Variants in TFB1M observed in about 807,000 individuals in gnomAD.
TFB1M encodes transcription factor B1, mitochondrial.
Under a neutral mutation model 31.1 loss-of-function variants are expected in TFB1M, and 27 were observed. That is an observed-to-expected ratio of 0.87 (90% CI 0.64 to 1.20). The LOEUF (loss-of-function observed/expected upper bound fraction) is 1.20, where lower values mean the gene tolerates loss of function less well. Ranked by LOEUF, TFB1M falls within the 50% of genes most tolerant of loss-of-function variation. The pLI, the probability that TFB1M is intolerant of heterozygous loss-of-function variation, is 0.00. For synonymous variants in TFB1M, 166 were observed against 151.8 expected (o/e 1.09, Z -0.69); for missense variants, 394 against 418.7 (o/e 0.94, Z 0.51).
At chr6:155,259,390 C>A (rs923908093) in intron 6 of TFB1M, among the ~76,000 whole-genome samples, 7 of 152,244 alleles carry the variant, frequency 4.6e-5, no homozygotes, top group African/African-American at 1.7e-4. Context: ...GGCTGAGGCT[C>A]CAGCTTCTGC....
At chr6:155,232,925 A>T in the TFB1M span, 1 of 152,236 alleles carries the variant, frequency 6.6e-6, no homozygotes, top group African/African-American at 2.4e-5. Context: ...TGTATGCCAC[A>T]TTACCCCAAA....
At chr6:155,247,972 C>T in the TFB1M span, 2 of 1,608,524 alleles carry the variant, frequency 1.2e-6, no homozygotes, top group Non-Finnish European at 1.7e-6. Context: ...CTGTGCTCTT[C>T]TGAGGTCTTT....
Position 155,286,607 on chromosome 6 carries a change from GTA to G in TFB1M, c.547-1332_547-1331del, listed in dbSNP as rs1437168487. On this transcript the variant is annotated intron_variant, in intron 4 of 6. Coordinates refer to ENST00000367166, the MANE Select transcript of TFB1M (RefSeq NM_016020.4). ...TATGTATATGTGTGTATATATGTGT[GTA>G]TATATATGTGTATATATGTGTGCAT... Among the ~76,000 whole-genome samples the G allele has an allele frequency of 5.9e-4, 82 of 139,580 alleles. 1 individual carries two copies. The highest frequency in any genetic ancestry group is 2.3e-3 in the African/African-American group (80 of 34,786). 91.6% of individuals were successfully genotyped at this position (139,580 alleles called of 152,430 possible). A position where few individuals can be genotyped will look rare whatever the true frequency, so the allele number is the denominator to read the frequency against.
At chr6:155,267,070 G>T (rs935389647) in intron 5 of TFB1M, among the ~76,000 whole-genome samples, 5 of 150,998 alleles carry the variant, frequency 3.3e-5, no homozygotes, top group African/African-American at 1.2e-4. Context: ...CACCTCCTGG[G>T]TTCAAGCAAT....
At chr6:155,288,554 C>T (rs937051584) in intron 4 of TFB1M, among the ~76,000 whole-genome samples, 3 of 152,102 alleles carry the variant, frequency 2.0e-5, no homozygotes, top group African/African-American at 7.2e-5. Context: ...CCAACTGGCA[C>T]AATTCAAAAA....
the TFB1M span, among the ~76,000 whole-genome samples, chr6:155,230,282 GC>G: frequency 6.6e-6 from 1 of 152,180 alleles, no homozygotes; most frequent in East Asian, 1.9e-4. Flanking sequence ...ACTCGCACCT[GC>G]CAGACCCTGC....
At chr6:155,282,229 T>C (rs1776397396) in intron 5 of TFB1M, among the ~76,000 whole-genome samples, 1 of 152,214 alleles carries the variant, frequency 6.6e-6, no homozygotes, top group Non-Finnish European at 1.5e-5. Flanking sequence ...ACACAAAGTA[T>C]TTTGGGTTCA....
At chr6:155,251,550 G>C (rs1967872), downstream of TFB1M, among the ~76,000 whole-genome samples, 44,460 of 152,076 alleles carry the variant, frequency 0.29, 7,274 homozygotes, top group East Asian at 0.66. Flanking sequence ...GCCTCCTGGA[G>C]TGCTGGGATT....
At chr6:155,306,929 T>C (rs1777792066) in intron 2 of TFB1M, among the ~76,000 whole-genome samples, 1 of 152,240 alleles carries the variant, frequency 6.6e-6, no homozygotes, top group African/African-American at 2.4e-5. Context: ...GAGACCACCA[T>C]GTAGAAATGG....
intron 4 of TFB1M, 72 bp from the exon 5 acceptor site, chr6:155,285,349 C>T (rs1776581106): frequency 1.3e-6 from 2 of 1,586,930 alleles, no homozygotes; most frequent in Admixed American, 1.7e-5. Context: ...AGTCAACATT[C>T]CATTATTTCT....
chr6:155,274,375 GC>G (rs1298040322), intron 5 of TFB1M, among the ~76,000 whole-genome samples: 4 of 152,204 alleles, frequency 2.6e-5, no homozygotes, highest in African/African-American at 9.7e-5. Flanking sequence ...TTAAAACACA[GC>G]CAAGCCACAA....
chr6:155,268,800 CACAA>C lies in TFB1M; in HGVS notation c.667-8404_667-8401del, dbSNP rs1376921760. On this transcript the variant is annotated intron_variant, in intron 5 of 6. Transcript: ENST00000367166. ...CTCCCTAATCTCAAGTACCCAGGGACACAAACACTGCGGAAGGCCGCAGGGTCCT... is the reference window on the plus strand; with the variant it reads ...CTCCCTAATCTCAAGTACCCAGGGACACACTGCGGAAGGCCGCAGGGTCCT... 2.1e-4 allele frequency among the ~76,000 whole-genome samples: 32 copies of C among 151,018 alleles called. No individual in the cohort carries two copies. In the East Asian group the frequency reaches 6.2e-3, roughly 29 times the overall value.
intron 1 of TFB1M, among the ~76,000 whole-genome samples, chr6:155,312,786 A>C (rs1778071149): frequency 6.6e-6 from 1 of 152,062 alleles, no homozygotes; most frequent in South Asian, 2.1e-4. Context: ...AATGTATTTG[A>C]AGGATTTTAA....
At position 155,256,691 on chromosome 6, in the gene TFB1M, A is replaced by G. The variant is rs1784058090; in HGVS notation, c.*1145T>C. The stretch of plus-strand genomic sequence containing the variant: ...CACCCCGGCTTGGCAGATTTTGCCG[A>G]CAATCTCATCAAAGAGAGTGACATC... On this transcript the variant is annotated 3_prime_UTR_variant, in exon 7 of 7. Coordinates refer to ENST00000367166, the MANE Select transcript of TFB1M (RefSeq NM_016020.4). 3 of 1,614,212 alleles carry G rather than the reference A, an allele frequency of 1.9e-6. No homozygotes were observed. The highest frequency in any genetic ancestry group is 2.5e-6 in the Non-Finnish European group (3 of 1,180,038).
In TFB1M at chr6:155,303,032, T is replaced by G. The variant is rs531988500; in HGVS notation, c.286-4447A>C. ...TTTGAGTAGGGACATAGCCAAACCA[T>G]ATCAGATTTTATTCTATTTGTTTGT... On this transcript the variant is annotated intron_variant, in intron 2 of 6. Coordinates refer to ENST00000367166, the MANE Select transcript of TFB1M (RefSeq NM_016020.4). 7 of 152,334 alleles carry G rather than the reference T, an allele frequency of 4.6e-5. No homozygotes were observed. The East Asian group carries it at 9.6e-4, about 21-fold the overall frequency. 9.4% of individuals were successfully genotyped at this position (152,334 alleles called of 1,614,324 possible). A position where few individuals can be genotyped will look rare whatever the true frequency, so the allele number is the denominator to read the frequency against.
In TFB1M at chr6:155,257,599, C is replaced by CTGT. The variant is rs1562381539; in HGVS notation, c.*234_*236dup. On this transcript the variant is annotated 3_prime_UTR_variant, in exon 7 of 7. Transcript: ENST00000367166. ...TTTGTAAGATAGATTGTAATAGATG[C>CTGT]TGTTTATACTAAACATGTCATAACT... is the stretch of plus-strand genomic sequence containing the variant. The CTGT allele has an allele frequency of 4.0e-6, 2 of 497,824 alleles. No individual in the cohort carries two copies. Among genetic ancestry groups the CTGT allele is most frequent in the East Asian group, 7.3e-5 (2 of 27,526 alleles). 30.8% of individuals were successfully genotyped at this position (497,824 alleles called of 1,614,324 possible). A position where few individuals can be genotyped will look rare whatever the true frequency, so the allele number is the denominator to read the frequency against.
At chr6:155,269,823 A>G (rs906230801) in intron 5 of TFB1M, among the ~76,000 whole-genome samples, 3 of 152,226 alleles carry the variant, frequency 2.0e-5, no homozygotes, top group African/African-American at 7.2e-5. Flanking sequence ...TTAATCATTC[A>G]AGTGCAATTT....
intron 5 of TFB1M, 109 bp downstream of exon 5, chr6:155,285,049 G>T: frequency 7.1e-7 from 1 of 1,412,178 alleles, no homozygotes; most frequent in Non-Finnish European, 1.0e-6. Flanking sequence ...TACAGTGTCA[G>T]TTTGCACATA....
intron 2 of TFB1M, among the ~76,000 whole-genome samples, chr6:155,300,126 A>T (rs1777359958): frequency 1.3e-5 from 2 of 152,188 alleles, no homozygotes; most frequent in Non-Finnish European, 2.9e-5. Flanking sequence ...TGGCTTCCCA[A>T]ATTTGTAGGG....
Sources: gnomAD v4.1 joint callset for allele counts (sites outside exome capture counted in the v4.1 genomes callset) on GRCh38, gnomAD v4.1.1 for gene constraint, MANE v1.5 for transcripts, NCBI Gene and HGNC (gene_info 2026-07-23, HGNC 2026-07-21) for gene names.